The following CUX2 variants were observed in gnomAD, a reference collection of about 807,000 sequenced individuals.
CUX2 encodes homeobox protein cut-like 2.
A neutral mutation model predicts 144.8 loss-of-function variants in CUX2; 40 were observed. That is an observed-to-expected ratio of 0.28 (90% CI 0.21 to 0.36). CUX2 has a LOEUF of 0.36. Ranked by LOEUF, CUX2 falls within the 10% of genes least tolerant of loss-of-function variation. The probability of loss-of-function intolerance (pLI) is 1.00; values close to 1 mark genes in which losing one functional copy is unlikely to be tolerated. For synonymous variants in CUX2, 827 were observed against 875.6 expected, an observed-to-expected ratio of 0.94 and a Z score of 0.98; for missense variants, 1,615 against 1,994.0, an observed-to-expected ratio of 0.81 and a Z score of 3.62.
rs567196347 is a variant in CUX2, at chr12:111,237,683, G to C, written c.222+19746G>C. Among the ~76,000 whole-genome samples the C allele has an allele frequency of 3.3e-5, 5 of 152,182 alleles. No homozygotes were observed. The East Asian group carries it at 9.6e-4, about 29-fold the overall frequency. On this transcript the variant is annotated intron_variant, in intron 3 of 21. Transcript: ENST00000261726. Reference sequence around the variant, plus strand: ...CCAGTGGTACCCAGAATGAAACCCAGACCTCCGGCCACCACCTCCAAGACC... The same window carrying C: ...CCAGTGGTACCCAGAATGAAACCCACACCTCCGGCCACCACCTCCAAGACC...
intron 1 of CUX2, among the ~76,000 whole-genome samples, chr12:111,191,309 ATTT>A (rs1879861312): frequency 1.6e-5 from 1 of 63,528 alleles, no homozygotes; most frequent in Non-Finnish European, 2.9e-5. Flanking sequence ...TTCTTTTATT[ATTT>A]ATTTATTTAT....
At chr12:111,045,816 C>T (rs1415756440) in intron 1 of CUX2, among the ~76,000 whole-genome samples, 1 of 152,202 alleles carries the variant, frequency 6.6e-6, no homozygotes, top group Admixed American at 6.5e-5. Context: ...AAACACAGCC[C>T]CTACCTCATA....
chr12:111,137,400 T>A (rs1283814715), intron 1 of CUX2, among the ~76,000 whole-genome samples: 1 of 150,914 alleles, frequency 6.6e-6, no homozygotes, highest in Admixed American at 6.6e-5. Context: ...TGTTGTTAAA[T>A]AGAATTGAAA....
intron 4 of CUX2, among the ~76,000 whole-genome samples, chr12:111,278,043 G>A (rs1161765639): frequency 6.6e-6 from 1 of 152,188 alleles, no homozygotes; most frequent in Non-Finnish European, 1.5e-5. Context: ...CATCTTCAAA[G>A]CCAGCCGGGC....
intron 1 of CUX2, among the ~76,000 whole-genome samples, chr12:111,105,385 G>C (rs563793826): frequency 6.6e-6 from 1 of 152,368 alleles, no homozygotes; most frequent in African/African-American, 2.4e-5. Flanking sequence ...ATTGATTTCT[G>C]TCCGCCTCCT....
chr12:111,247,181 C>T (rs531261722), intron 3 of CUX2, among the ~76,000 whole-genome samples: 5 of 152,264 alleles, frequency 3.3e-5, no homozygotes, highest in African/African-American at 7.2e-5. Context: ...CCACTGCAGA[C>T]GGCTGAGTCC....
At chr12:111,230,205 A>C (rs1222533213) in intron 3 of CUX2, among the ~76,000 whole-genome samples, 2 of 41,628 alleles carry the variant, frequency 4.8e-5, no homozygotes, top group African/African-American at 9.7e-5. Context: ...AGAGGGGGGG[A>C]GGGGAGGAAC....
At chr12:111,239,746 G>A (rs972146238) in intron 3 of CUX2, among the ~76,000 whole-genome samples, 6 of 151,898 alleles carry the variant, frequency 4.0e-5, no homozygotes, top group African/African-American at 1.5e-4. Flanking sequence ...TTTCTACAAT[G>A]AGTGGGGTGG....
At chr12:111,341,514 G>A (rs549005238) in intron 20 of CUX2, among the ~76,000 whole-genome samples, 81 of 152,258 alleles carry the variant, frequency 5.3e-4, no homozygotes, top group Admixed American at 1.3e-3. Flanking sequence ...CTTCCTATGC[G>A]TGAGGAATGC....
At chr12:111,256,058 A>G (rs1883800670) in intron 3 of CUX2, among the ~76,000 whole-genome samples, 1 of 151,752 alleles carries the variant, frequency 6.6e-6, no homozygotes, top group Admixed American at 6.6e-5. Flanking sequence ...CTGAGTGGTC[A>G]ACAGGAGCCC....
intron 3 of CUX2, among the ~76,000 whole-genome samples, chr12:111,249,002 A>G (rs1272139164): frequency 6.6e-6 from 1 of 152,260 alleles, no homozygotes. Flanking sequence ...GGAGGGTCCA[A>G]GAAAATATGT....
intron 1 of CUX2, among the ~76,000 whole-genome samples, chr12:111,098,267 G>C (rs1182181483): frequency 6.6e-6 from 1 of 152,180 alleles, no homozygotes; most frequent in African/African-American, 2.4e-5. Context: ...GGGTGTGGTG[G>C]TGCCTGCCTG....
chr12:111,084,450 CT>C (rs897602107), intron 1 of CUX2, among the ~76,000 whole-genome samples: 2 of 151,124 alleles, frequency 1.3e-5, no homozygotes, highest in African/African-American at 2.4e-5. Context: ...ACTTTTTCCT[CT>C]TTTTTTCTTC....
chr12:111,323,555 G>A (rs1050637828), intron 18 of CUX2, among the ~76,000 whole-genome samples: 1 of 152,122 alleles, frequency 6.6e-6, no homozygotes, highest in South Asian at 2.1e-4. Flanking sequence ...ACTTTGGGAG[G>A]CTGAGGCTGG....
chr12:111,191,482 C>T (rs1879880954), intron 1 of CUX2, among the ~76,000 whole-genome samples: 1 of 152,156 alleles, frequency 6.6e-6, no homozygotes, highest in Admixed American at 6.5e-5. Context: ...CAGGCACACG[C>T]CACCACGCCA....
At chr12:111,066,220 T>C (rs1363098991) in intron 1 of CUX2, among the ~76,000 whole-genome samples, 1 of 152,198 alleles carries the variant, frequency 6.6e-6, no homozygotes, top group Non-Finnish European at 1.5e-5. Flanking sequence ...CCCTCTTCAG[T>C]TTTGGCCCTT....
intron 4 of CUX2, 115 bp from the exon 5 acceptor site, chr12:111,291,303 A>T: frequency 7.7e-7 from 1 of 1,298,834 alleles, no homozygotes; most frequent in South Asian, 1.6e-5. Context: ...TACTTCCTGT[A>T]AGCCAGCGGG....
chr12:111,176,905 T>C (rs1381209404), intron 1 of CUX2, among the ~76,000 whole-genome samples: 2 of 152,240 alleles, frequency 1.3e-5, no homozygotes, highest in Non-Finnish European at 2.9e-5. Context: ...AAGGGCATTT[T>C]GGACTGGAAA....
chr12:111,218,712 A>G (rs890622477), intron 3 of CUX2, among the ~76,000 whole-genome samples: 6 of 152,116 alleles, frequency 3.9e-5, no homozygotes, highest in Non-Finnish European at 7.3e-5. Context: ...GCCCAACCAG[A>G]AATTCTTTGC....
Sources: gnomAD v4.1 joint callset for allele counts (sites outside exome capture counted in the v4.1 genomes callset) on GRCh38, gnomAD v4.1.1 for gene constraint, MANE v1.5 for transcripts, NCBI Gene and HGNC (gene_info 2026-07-23, HGNC 2026-07-21) for gene names.